Variants in IL1RAPL2 observed in about 807,000 individuals in gnomAD.
IL1RAPL2 encodes X-linked interleukin-1 receptor accessory protein-like 2.
A neutral mutation model predicts 44.1 loss-of-function variants in IL1RAPL2; 3 were observed. That is an observed-to-expected ratio of 0.07 (90% confidence interval 0.03 to 0.18). The LOEUF is 0.18. IL1RAPL2 is among the 10% of genes least tolerant of loss of function. The pLI is 1.00. For missense variants in IL1RAPL2, 391 were observed against 496.4 expected (o/e 0.79, Z 2.02); for synonymous variants, 181 against 178.8 (o/e 1.01, Z -0.10).
At chrX:105,073,339 C>A (rs1456609405) in intron 2 of IL1RAPL2, among the ~76,000 whole-genome samples, 2 of 106,117 alleles carry the variant, frequency 1.9e-5, no homozygotes, top group Non-Finnish European at 3.9e-5. Context: ...ATGATGGTTT[C>A]CAGCTTCATC....
rs73531377 is a variant in IL1RAPL2 at position 104,919,884 on chromosome X, T to A, written c.82+260889T>A. Among the ~76,000 whole-genome samples, 318 of 110,614 alleles carry A rather than the reference T, an allele frequency of 2.9e-3. 2 individuals carry two copies. The highest frequency in any genetic ancestry group is 1.0e-2 in the African/African-American group (303 of 30,371). ...AAGCCAATTTTGTAGGGACTAATTC[T>A]GTTTGGGCTCAGACTGACTTTACAA... On this transcript the variant is annotated intron_variant, in intron 2 of 10. Transcript: ENST00000372582.
intron 6 of IL1RAPL2, among the ~76,000 whole-genome samples, chrX:105,555,881 C>T (rs1456373676): frequency 9.0e-6 from 1 of 111,417 alleles, no homozygotes; most frequent in Non-Finnish European, 1.9e-5. Context: ...ACCTTTTTCT[C>T]CCCTTTTAAA....
intron 2 of IL1RAPL2, among the ~76,000 whole-genome samples, chrX:105,040,194 C>A (rs957159841): frequency 9.0e-6 from 1 of 111,223 alleles, no homozygotes; most frequent in East Asian, 2.8e-4. Flanking sequence ...TATCGATTTG[C>A]GTATATTGAA....
At chrX:104,996,964 C>T in intron 2 of IL1RAPL2, among the ~76,000 whole-genome samples, 1 of 111,429 alleles carries the variant, frequency 9.0e-6, no homozygotes, top group Admixed American at 9.5e-5. Flanking sequence ...AGGAAGCAAA[C>T]ATTTGTCAAG....
At chrX:104,742,698 G>A (rs912721923) in intron 2 of IL1RAPL2, among the ~76,000 whole-genome samples, 3 of 111,384 alleles carry the variant, frequency 2.7e-5, no homozygotes, top group African/African-American at 9.8e-5. Context: ...CAGGTTAAGT[G>A]CTCACCACTT....
intron 4 of IL1RAPL2, among the ~76,000 whole-genome samples, chrX:105,237,107 T>G (rs1213732337): frequency 8.9e-6 from 1 of 111,828 alleles, no homozygotes; most frequent in African/African-American, 3.3e-5. Flanking sequence ...TTGGTTTTTT[T>G]GTCCTTGCAA....
chrX:105,564,728 G>A (rs1421132209), intron 6 of IL1RAPL2, among the ~76,000 whole-genome samples: 1 of 111,837 alleles, frequency 8.9e-6, no homozygotes, highest in Non-Finnish European at 1.9e-5. Flanking sequence ...GTGTAGAAAA[G>A]CCAGGATGTG....
intron 2 of IL1RAPL2, among the ~76,000 whole-genome samples, chrX:105,040,598 G>A (rs771375732): frequency 1.8e-5 from 2 of 110,179 alleles, no homozygotes; most frequent in South Asian, 7.6e-4. Flanking sequence ...CTTCTTCCTG[G>A]TTTAGTCCTG....
At chrX:105,388,174 AAAAAAAAAAAAAAAG>A (rs2035492413) in intron 5 of IL1RAPL2, among the ~76,000 whole-genome samples, 2 of 96,973 alleles carry the variant, frequency 2.1e-5, no homozygotes, top group African/African-American at 3.7e-5. Flanking sequence ...AAAAAAAAAA[AAAAAAAAAAAAAAAG>A]GATAATTGAA....
chrX:105,423,574 G>A (rs1233192761), intron 5 of IL1RAPL2, among the ~76,000 whole-genome samples: 3 of 111,023 alleles, frequency 2.7e-5, no homozygotes, highest in Non-Finnish European at 5.7e-5. Flanking sequence ...AGAAAGAATG[G>A]AACAAACAAC....
At chrX:105,463,910 A>C (rs769721784) in intron 5 of IL1RAPL2, among the ~76,000 whole-genome samples, 11 of 112,432 alleles carry the variant, frequency 9.8e-5, no homozygotes, top group Non-Finnish European at 1.7e-4. Flanking sequence ...TTATAGATTA[A>C]GTATTTCTGG....
intron 5 of IL1RAPL2, among the ~76,000 whole-genome samples, chrX:105,465,100 G>A (rs1278131726): frequency 8.9e-6 from 1 of 111,856 alleles, no homozygotes; most frequent in African/African-American, 3.2e-5. Flanking sequence ...AATGAAGCTT[G>A]GAATTGAAAA....
At chrX:104,639,008 A>G (rs1466120046) in intron 1 of IL1RAPL2, among the ~76,000 whole-genome samples, 3 of 112,290 alleles carry the variant, frequency 2.7e-5, no homozygotes, top group African/African-American at 9.7e-5. Context: ...AGATTTAGTA[A>G]TATTTGCTTT....
intron 5 of IL1RAPL2, among the ~76,000 whole-genome samples, chrX:105,327,115 A>G (rs1347060344): frequency 3.6e-5 from 4 of 112,040 alleles, no homozygotes; most frequent in African/African-American, 1.3e-4. Context: ...GCCAAAGTCA[A>G]CCAACAAATT....
chrX:105,605,453 C>G (rs776639563), intron 6 of IL1RAPL2, among the ~76,000 whole-genome samples: 1 of 111,372 alleles, frequency 9.0e-6, no homozygotes, highest in East Asian at 2.8e-4. Flanking sequence ...TCGAAGAATA[C>G]ACAAAAAATG....
chrX:104,586,610 G>T (rs1338410183), intron 1 of IL1RAPL2, among the ~76,000 whole-genome samples: 1 of 111,839 alleles, frequency 8.9e-6, no homozygotes, highest in African/African-American at 3.2e-5. Context: ...TCCTGCAGTA[G>T]CCAGCTGTCA....
chrX:105,527,107 G>A (rs748199545), intron 6 of IL1RAPL2, among the ~76,000 whole-genome samples: 30 of 111,309 alleles, frequency 2.7e-4, no homozygotes, highest in African/African-American at 9.8e-4. Context: ...CTGCCTCCTA[G>A]TCTGTTTAAC....
intron 2 of IL1RAPL2, among the ~76,000 whole-genome samples, chrX:104,825,814 A>G (rs1397143071): frequency 1.8e-5 from 2 of 112,137 alleles, no homozygotes; most frequent in African/African-American, 3.2e-5. Flanking sequence ...TTGCTCATGA[A>G]AGTAGAGTTT....
intron 5 of IL1RAPL2, among the ~76,000 whole-genome samples, chrX:105,296,295 C>G (rs2034654344): frequency 9.0e-6 from 1 of 111,482 alleles, no homozygotes; most frequent in Admixed American, 9.6e-5. Flanking sequence ...TTGCCCTTGT[C>G]ATCCTTTAAG....
Sources: allele counts gnomAD v4.1 joint callset (sites outside exome capture counted in the v4.1 genomes callset), GRCh38; gene constraint gnomAD v4.1.1; transcripts MANE v1.5; gene names NCBI Gene and HGNC (gene_info 2026-07-23, HGNC 2026-07-21).